Variants in GCNA observed in about 807,000 individuals in gnomAD.
GCNA encodes germ cell nuclear acidic peptidase, also known as germ cell nuclear acidic protein.
In GCNA, 3 loss-of-function variants were observed where a neutral mutation model predicts 38.8. That is an observed-to-expected ratio of 0.08 (90% CI 0.04 to 0.20). GCNA has a LOEUF of 0.20. Among genes scored for constraint, GCNA ranks in the 10% least tolerant of loss-of-function variants. GCNA has a pLI of 1.00. For synonymous variants in GCNA, 195 were observed against 240.2 expected (o/e 0.81, Z 1.74); for missense variants, 446 against 578.6 (o/e 0.77, Z 2.35).
intron 1 of GCNA, among the ~76,000 whole-genome samples, chrX:71,579,059 C>G (rs2040524419): frequency 1.2e-5 from 1 of 80,836 alleles, no homozygotes; most frequent in Non-Finnish European, 2.5e-5. Flanking sequence ...CATTGGCGGC[C>G]TTGGGGGAAG....
chrX:71,608,524 G>A (rs923229479), intron 9 of GCNA, among the ~76,000 whole-genome samples: 18 of 112,232 alleles, frequency 1.6e-4, no homozygotes, highest in Admixed American at 2.8e-4. Context: ...CGCCTGCCTC[G>A]GCCTCCCAAA....
intron 2 of GCNA, among the ~76,000 whole-genome samples, chrX:71,582,103 G>A (rs1223441087): frequency 9.2e-6 from 1 of 108,197 alleles, no homozygotes; most frequent in Non-Finnish European, 1.9e-5. Context: ...ATGAAATTCC[G>A]CCTCTACAAA....
intron 2 of GCNA, among the ~76,000 whole-genome samples, chrX:71,583,936 G>A (rs2040565598): frequency 9.2e-6 from 1 of 108,143 alleles, no homozygotes; most frequent in South Asian, 4.1e-4. Flanking sequence ...TTGAACTCCT[G>A]GCCTCAAGTG....
intron 9 of GCNA, among the ~76,000 whole-genome samples, chrX:71,606,069 G>A (rs2040767481): frequency 8.9e-6 from 1 of 112,698 alleles, no homozygotes; most frequent in African/African-American, 3.2e-5. Flanking sequence ...AGAACAATGT[G>A]TAGCCAAACA....
intron 6 of GCNA, among the ~76,000 whole-genome samples, chrX:71,596,201 G>A (rs1372757367): frequency 1.8e-5 from 2 of 111,250 alleles, no homozygotes; most frequent in Non-Finnish European, 3.8e-5. Flanking sequence ...GGGTGGGAGT[G>A]AGACTCTCTC....
chrX:71,582,369 C>A (rs1428464878), intron 2 of GCNA, among the ~76,000 whole-genome samples: 3 of 108,488 alleles, frequency 2.8e-5, no homozygotes, highest in African/African-American at 1.0e-4. Context: ...AATGATAAAT[C>A]TTATTCATTT....
chrX:71,585,919 T>C (rs2040582184), intron 2 of GCNA, among the ~76,000 whole-genome samples: 1 of 108,569 alleles, frequency 9.2e-6, no homozygotes, highest in African/African-American at 3.4e-5. Flanking sequence ...TAAAAAATAC[T>C]TATTGAATCC....
chrX:71,611,751 G>C (rs1415874523), intron 11 of GCNA, among the ~76,000 whole-genome samples: 1 of 111,253 alleles, frequency 9.0e-6, no homozygotes, highest in Non-Finnish European at 1.9e-5. Context: ...ATCTTGTCCT[G>C]ATGTTTTTCT....
At chrX:71,606,522 G>A (rs771961735) in intron 9 of GCNA, among the ~76,000 whole-genome samples, 2 of 112,239 alleles carry the variant, frequency 1.8e-5, no homozygotes, top group South Asian at 3.7e-4. Context: ...GAAGAGTAAT[G>A]TATGCTCACA....
chrX:71,607,253 T>A (rs1194188714), intron 9 of GCNA, among the ~76,000 whole-genome samples: 1 of 112,360 alleles, frequency 8.9e-6, no homozygotes, highest in African/African-American at 3.2e-5. Flanking sequence ...CCTAAGTAAC[T>A]GGAGGCAGAA....
intron 9 of GCNA, 41 bp downstream of exon 9, chrX:71,605,770 A>C: frequency 8.9e-7 from 1 of 1,122,364 alleles, no homozygotes; most frequent in Non-Finnish European, 1.2e-6. Flanking sequence ...AATTTATTGC[A>C]CAGCCGTCAC....
intron 10 of GCNA, among the ~76,000 whole-genome samples, 173 bp from the exon 11 acceptor site, chrX:71,610,508 G>T (rs1217169904): frequency 8.9e-6 from 1 of 112,438 alleles, no homozygotes; most frequent in African/African-American, 3.2e-5. Flanking sequence ...AGCTACTTGG[G>T]AGGCTGAGGC....
intron 6 of GCNA, 29 bp from the exon 7 acceptor site, chrX:71,597,921 T>C (rs2040683337): frequency 9.0e-7 from 1 of 1,109,345 alleles, no homozygotes; most frequent in Non-Finnish European, 1.2e-6. Flanking sequence ...CATACTTCTC[T>C]CTTGTTTTTC....
Position 71,598,022 on chromosome X carries a change from G to T in GCNA, c.294G>T (p.Leu98Phe). The T allele has an allele frequency of 8.3e-7, 1 of 1,206,470 alleles. No homozygotes were observed. Among genetic ancestry groups the T allele is most frequent in the Non-Finnish European group, 1.1e-6 (1 of 890,837 alleles). Residue 98 changes from leucine to phenylalanine, a missense_variant, in exon 7 of 13, where the codon TTG (leucine) becomes TTT (phenylalanine). Physicochemically the swap from Leu to Phe is conservative, Grantham distance 22 (BLOSUM62 0). Coordinates refer to ENST00000373696, the MANE Select transcript of GCNA (RefSeq NM_052957.5). Reference sequence around the variant, plus strand: ...ATGAAGAGAAGAAAGCTAAGTTATTGGAAATAAACAGCGACGGCAAGTATA... The same window carrying T: ...ATGAAGAGAAGAAAGCTAAGTTATTTGAAATAAACAGCGACGGCAAGTATA... Reference protein sequence around the residue: ...HTHEEKKAKLLEINSDDESPE... With the variant: ...HTHEEKKAKLFEINSDDESPE...
At chrX:71,586,261 A>G (rs2040585042) in intron 2 of GCNA, among the ~76,000 whole-genome samples, 1 of 110,399 alleles carries the variant, frequency 9.1e-6, no homozygotes, top group African/African-American at 3.3e-5. Flanking sequence ...TATGTAATAT[A>G]TTGTAGTTCA....
chrX:71,607,599 G>C (rs898165141), intron 9 of GCNA, among the ~76,000 whole-genome samples: 10 of 112,013 alleles, frequency 8.9e-5, no homozygotes, highest in African/African-American at 3.2e-4. Context: ...ATTTGAATTA[G>C]GCCTTGAAAG....
intron 1 of GCNA, 114 bp from the exon 2 acceptor site, chrX:71,580,706 C>T (rs2035222276): frequency 3.3e-6 from 2 of 608,637 alleles, no homozygotes. Flanking sequence ...GATCTCATGA[C>T]ATTGTGATCT....
At chrX:71,611,101 C>T (rs1048447127) in intron 11 of GCNA, among the ~76,000 whole-genome samples, 1 of 112,332 alleles carries the variant, frequency 8.9e-6, no homozygotes, top group African/African-American at 3.2e-5. Flanking sequence ...AAGGTCCCCT[C>T]TTTCTAGCCA....
At chrX:71,607,428 A>C (rs1033030434) in intron 9 of GCNA, among the ~76,000 whole-genome samples, 2 of 112,185 alleles carry the variant, frequency 1.8e-5, no homozygotes, top group African/African-American at 6.5e-5. Context: ...GAGTTCTATT[A>C]AGTCAGAAAC....
Sources: allele counts gnomAD v4.1 joint callset (sites outside exome capture counted in the v4.1 genomes callset), GRCh38; gene constraint gnomAD v4.1.1; transcripts MANE v1.5; gene names NCBI Gene and HGNC (gene_info 2026-07-23, HGNC 2026-07-21).